The following PTPRG variants were observed in gnomAD, a reference collection of about 807,000 sequenced individuals.
PTPRG encodes protein tyrosine phosphatase receptor type G.
PTPRG carries 102 observed loss-of-function variants against 165.3 expected under a neutral mutation model. That is an observed-to-expected ratio of 0.62 (90% confidence interval 0.53 to 0.73). The LOEUF is 0.73. Ranked by LOEUF, PTPRG falls within the 30% of genes least tolerant of loss-of-function variation. PTPRG has a pLI of 0.00. For synonymous variants in PTPRG, 675 were observed against 669.5 expected (o/e 1.01, Z -0.13); for missense variants, 1,866 against 1,861.4 (o/e 1.00, Z -0.05).
chr3:62,081,033 G>A lies in PTPRG; in HGVS notation c.615+2775G>A, dbSNP rs576949043. 1.3e-4 allele frequency among the ~76,000 whole-genome samples: 19 copies of A among 151,970 alleles called. No homozygotes were observed. In the South Asian group the frequency reaches 2.9e-3, roughly 23 times the overall value. On this transcript the variant is annotated intron_variant, in intron 5 of 29. Transcript: ENST00000474889. The stretch of plus-strand genomic sequence containing the variant: ...AGCACTTTGGAAGGCCGAGGCGGGC[G>A]GATCACTAGTTCAGGAGATCGAGAC...
chr3:62,077,163 G>T (rs769104207), intron 4 of PTPRG, among the ~76,000 whole-genome samples: 11 of 152,114 alleles, frequency 7.2e-5, no homozygotes, highest in Non-Finnish European at 1.5e-4. Flanking sequence ...CTACTCAGGA[G>T]GCTGAGGTGG....
chr3:62,110,266 A>ATG (rs1046602830), intron 5 of PTPRG, among the ~76,000 whole-genome samples: 1 of 151,992 alleles, frequency 6.6e-6, no homozygotes, highest in Admixed American at 6.6e-5. Flanking sequence ...ACTGAAAGAG[A>ATG]TGTGCTAAGA....
intron 1 of PTPRG, among the ~76,000 whole-genome samples, chr3:61,671,517 G>A (rs2107069408): frequency 6.7e-6 from 1 of 149,006 alleles, no homozygotes; most frequent in Admixed American, 6.6e-5. Flanking sequence ...AGAACAAAAT[G>A]AAAAGTCTCC....
chr3:62,286,099 G>GGATTATTGAGGA (rs1702650038), intron 28 of PTPRG, among the ~76,000 whole-genome samples: 1 of 152,050 alleles, frequency 6.6e-6, no homozygotes, highest in Non-Finnish European at 1.5e-5. Flanking sequence ...CAAATCCCCT[G>GGATTATTGAGGA]GAGGTCCTCA....
At chr3:61,873,176 C>T (rs2037629435) in intron 2 of PTPRG, among the ~76,000 whole-genome samples, 1 of 152,066 alleles carries the variant, frequency 6.6e-6, no homozygotes, top group Admixed American at 6.6e-5. Flanking sequence ...TACATGTAAC[C>T]TGGGTGACAT....
intron 1 of PTPRG, among the ~76,000 whole-genome samples, chr3:61,701,417 T>A (rs1157566624): frequency 6.6e-6 from 1 of 152,176 alleles, no homozygotes; most frequent in Non-Finnish European, 1.5e-5. Context: ...GAGGCTCGGG[T>A]CACATTTTCT....
At chr3:61,607,695 G>A (rs1339804689) in intron 1 of PTPRG, among the ~76,000 whole-genome samples, 1 of 152,154 alleles carries the variant, frequency 6.6e-6, no homozygotes, top group Admixed American at 6.5e-5. Context: ...CCAGGAGGGG[G>A]AAGTTGTAGC....
chr3:62,031,847 T>A (rs531568649), intron 4 of PTPRG, among the ~76,000 whole-genome samples: 18 of 152,338 alleles, frequency 1.2e-4, no homozygotes, highest in African/African-American at 4.3e-4. Context: ...CCAAAGGCAG[T>A]GCTCCATTGA....
In PTPRG at chr3:62,245,893, CT is replaced by C. The variant is rs1559701066; in HGVS notation, c.2467+1998del. ...TTGAATCACTCTTCTTTGATATAGG[CT>C]TTAGAACTTTCAATTCACTAGGATC... On this transcript the variant is annotated intron_variant, in intron 15 of 29. Coordinates refer to ENST00000474889, the MANE Select transcript of PTPRG (RefSeq NM_002841.4). The surrounding 1 kb of genome is among the most constrained non-coding windows in gnomAD (Gnocchi z 4.2). 6.6e-6 allele frequency among the ~76,000 whole-genome samples: 1 copy of C among 152,046 alleles called. No homozygotes were observed. The highest frequency in any genetic ancestry group is 2.4e-5 in the African/African-American group (1 of 41,410).
At chr3:61,921,891 A>G (rs1234505053) in intron 2 of PTPRG, among the ~76,000 whole-genome samples, 4 of 152,216 alleles carry the variant, frequency 2.6e-5, no homozygotes, top group African/African-American at 9.6e-5. Flanking sequence ...GAGCTTTATT[A>G]AACCATGCCT....
intron 1 of PTPRG, among the ~76,000 whole-genome samples, chr3:61,614,117 C>T (rs1364589096): frequency 2.0e-5 from 3 of 152,190 alleles, no homozygotes; most frequent in South Asian, 2.1e-4. Flanking sequence ...ATGGGCCTGC[C>T]TCCGCCTCTC....
At chr3:61,965,487 CAAAAAAAA>C (rs56210593) in intron 2 of PTPRG, among the ~76,000 whole-genome samples, 3 of 80,204 alleles carry the variant, frequency 3.7e-5, no homozygotes, top group Admixed American at 2.8e-4. Context: ...GACTCCGTCT[CAAAAAAAA>C]AAAAAAAAAA....
rs935202003 is a variant in PTPRG at position 62,214,892 on chromosome 3, T to C, written c.2156-3959T>C. On this transcript the variant is annotated intron_variant, in intron 12 of 29. Transcript: ENST00000474889. This position sits in a 1 kb window ranked among gnomAD's most constrained non-coding sequence, Gnocchi z 5.2. ...TAATCTCTGCTCTGCCCTTAAGAGA[T>C]AGTACAAACTGGCGGCTTCGGGAAG... 2.6e-5 allele frequency among the ~76,000 whole-genome samples: 4 copies of C among 152,322 alleles called. No homozygotes were observed. The highest frequency in any genetic ancestry group is 2.1e-4 in the South Asian group (1 of 4,820).
At chr3:61,928,555 A>G (rs1236970434) in intron 2 of PTPRG, among the ~76,000 whole-genome samples, 1 of 152,188 alleles carries the variant, frequency 6.6e-6, no homozygotes, top group African/African-American at 2.4e-5. Context: ...ATTTTCTGGA[A>G]CATGTTGCTG....
chr3:62,171,792 G>A (rs1057171158), intron 8 of PTPRG, among the ~76,000 whole-genome samples: 1 of 151,570 alleles, frequency 6.6e-6, no homozygotes. Context: ...GTTTTTTACT[G>A]TAGTCACAAA....
In PTPRG at chr3:61,842,015, A is replaced by G. The variant is rs1331622614; in HGVS notation, c.190+93033A>G. On this transcript the variant is annotated intron_variant, in intron 2 of 29. Transcript: ENST00000474889. Reference sequence around the variant, plus strand: ...TTTGTTGTGACACAGCAACCCTGATAAGTATACAAGAAATGAAAGCCTTAG... The same window carrying G: ...TTTGTTGTGACACAGCAACCCTGATGAGTATACAAGAAATGAAAGCCTTAG... Among the ~76,000 whole-genome samples the G allele has an allele frequency of 2.0e-5, 3 of 152,214 alleles. No individual in the cohort carries two copies. In the East Asian group the frequency reaches 5.8e-4, roughly 29 times the overall value.
intron 2 of PTPRG, among the ~76,000 whole-genome samples, chr3:61,821,487 G>A (rs1156404113): frequency 2.0e-5 from 3 of 152,152 alleles, no homozygotes; most frequent in Admixed American, 6.5e-5. Context: ...TTCTTAAGTT[G>A]ACAGAAAAGG....
chr3:61,651,485 C>T (rs903543543), intron 1 of PTPRG, among the ~76,000 whole-genome samples: 1 of 151,950 alleles, frequency 6.6e-6, no homozygotes, highest in Non-Finnish European at 1.5e-5. Flanking sequence ...CCTGATGAAG[C>T]CTTAGGGCTA....
intron 5 of PTPRG, among the ~76,000 whole-genome samples, chr3:62,118,125 C>G (rs1181476415): frequency 6.6e-6 from 1 of 152,158 alleles, no homozygotes; most frequent in Admixed American, 6.5e-5. Context: ...GAATCTGAGG[C>G]TTAGGACAGT....
Sources: gnomAD v4.1 joint callset for allele counts (sites outside exome capture counted in the v4.1 genomes callset) on GRCh38, gnomAD v4.1.1 for gene constraint, Gnocchi (gnomAD v3.1) non-coding constraint, MANE v1.5 for transcripts, NCBI Gene and HGNC (gene_info 2026-07-23, HGNC 2026-07-21) for gene names.